The following MCF2L variants were observed in gnomAD, a reference collection of about 807,000 sequenced individuals.
MCF2L encodes the protein MCF.2 cell line derived transforming sequence like, also known as guanine nucleotide exchange factor DBS.
Under a neutral mutation model 153.4 loss-of-function variants are expected in MCF2L, and 97 were observed. The ratio of observed to expected loss-of-function variants is 0.63; its 90% CI spans 0.54 to 0.75. The LOEUF (loss-of-function observed/expected upper bound fraction) is 0.75. Among genes scored for constraint, MCF2L ranks in the 30% least tolerant of loss-of-function variants. The pLI is 0.00. For synonymous variants in MCF2L, 659 were observed against 632.2 expected (o/e 1.04, Z -0.64); for missense variants, 1,347 against 1,495.2 (o/e 0.90, Z 1.64).
At chr13:112,995,644 G>A (rs377266600) in intron 1 of MCF2L, among the ~76,000 whole-genome samples, 6 of 152,224 alleles carry the variant, frequency 3.9e-5, no homozygotes, top group South Asian at 2.1e-4. Context: ...GGGACCGTGC[G>A]GGATGCAGGG....
chr13:113,070,798 T>G lies in MCF2L; in HGVS notation c.996+625T>G, dbSNP rs191953507. 5.8e-4 allele frequency among the ~76,000 whole-genome samples: 89 copies of G among 152,354 alleles called. No homozygotes were observed. Among genetic ancestry groups the G allele is most frequent in the African/African-American group, 2.0e-3 (82 of 41,582 alleles). On this transcript the variant is annotated intron_variant, in intron 9 of 29. Transcript: ENST00000535094. This position sits in a 1 kb window ranked among gnomAD's most constrained non-coding sequence, Gnocchi z 5.6. ...GTGGCTCACTCATTGTGTTCCCCGG[T>G]GTGGACGGACCACAGTTCTTTCAAT...
At position 113,085,166 on chromosome 13, in the gene MCF2L, G is replaced by A. The variant is rs2034510065; in HGVS notation, c.2235G>A (p.Gln745=). The change falls in exon 20 of 30, where the codon CAG becomes CAA. Residue 745 remains glutamine, a synonymous_variant. Coordinates refer to ENST00000535094, the MANE Select transcript of MCF2L (RefSeq NM_001112732.3). The part of the protein sequence containing the change: ...LKPVQRITKY[Q]LLLKEMLKYS... The stretch of plus-strand genomic sequence containing the variant: ...CAGTGCAGAGGATCACCAAGTACCA[G>A]CTGCTGCTCAAGGTGGGCTCCGCGG... 4 of 1,613,318 alleles carry A rather than the reference G, an allele frequency of 2.5e-6. No homozygotes were observed. In the Admixed American group the frequency reaches 6.7e-5, roughly 27 times the overall value.
chr13:113,071,553 A>C (rs535017093), intron 9 of MCF2L, among the ~76,000 whole-genome samples: 1 of 152,152 alleles, frequency 6.6e-6, no homozygotes, highest in Non-Finnish European at 1.5e-5. Context: ...ATTTTTGTAT[A>C]AGGTATGAGA....
chr13:112,939,371 G>A (rs1174447011), intron 2 of MCF2L, among the ~76,000 whole-genome samples: 2 of 152,160 alleles, frequency 1.3e-5, no homozygotes, highest in Admixed American at 6.5e-5. Context: ...TCCATGCCAG[G>A]ACTTTTCCTC....
At chr13:113,049,433 G>T (rs1211055635) in intron 4 of MCF2L, among the ~76,000 whole-genome samples, 2 of 152,206 alleles carry the variant, frequency 1.3e-5, no homozygotes, top group Non-Finnish European at 2.9e-5. Flanking sequence ...ATGACCCCTT[G>T]GGCATCTTGA....
intron 1 of MCF2L, among the ~76,000 whole-genome samples, chr13:112,978,855 G>A (rs1051530859): frequency 1.3e-5 from 2 of 152,302 alleles, no homozygotes; most frequent in African/African-American, 2.4e-5. Flanking sequence ...CCATTTGCAC[G>A]GCCTTGCACA....
intron 1 of MCF2L, among the ~76,000 whole-genome samples, chr13:112,973,025 C>G (rs2140844624): frequency 6.6e-6 from 1 of 151,984 alleles, no homozygotes; most frequent in East Asian, 2.0e-4. Flanking sequence ...CCCCCAGTTG[C>G]AGGTCTCAGA....
At chr13:113,012,216 G>C (rs1205195696) in intron 1 of MCF2L, among the ~76,000 whole-genome samples, 1 of 92,206 alleles carries the variant, frequency 1.1e-5, no homozygotes, top group Non-Finnish European at 2.4e-5. Flanking sequence ...CGGTGGACAG[G>C]CTGGGTGGAT....
chr13:113,040,436 G>GTGTGTGTGTGTGTGTGTGTGTGTGTGTT lies in MCF2L; in HGVS notation c.279-4834_279-4833insGTGTGTGTGTGTGTGTGTGTGTGTGTTT, dbSNP rs147478810. 237 of 153,028 alleles carry GTGTGTGTGTGTGTGTGTGTGTGTGTGTT rather than the reference G, an allele frequency of 1.5e-3. 1 individual carries two copies. Among genetic ancestry groups the GTGTGTGTGTGTGTGTGTGTGTGTGTGTT allele is most frequent in the African/African-American group, 5.5e-3 (222 of 40,450 alleles). 9.5% of individuals were successfully genotyped at this position (153,028 alleles called of 1,614,324 possible). ...CCTGTGTGTGTGTGTGTGTGTGTGT[G>GTGTGTGTGTGTGTGTGTGTGTGTGTGTT]TTTCTTTTCCTGAGGACACAGCCAC... On this transcript the variant is annotated intron_variant, in intron 3 of 29. Coordinates refer to ENST00000535094, the MANE Select transcript of MCF2L (RefSeq NM_001112732.3).
chr13:112,994,143 G>A (rs1436029018), intron 1 of MCF2L, among the ~76,000 whole-genome samples: 2 of 152,102 alleles, frequency 1.3e-5, no homozygotes, highest in East Asian at 1.9e-4. Flanking sequence ...TCGGGCAGGG[G>A]CAGGTGTGGA....
intron 1 of MCF2L, among the ~76,000 whole-genome samples, chr13:113,001,114 C>T (rs1388106998): frequency 4.6e-5 from 7 of 152,238 alleles, no homozygotes; most frequent in African/African-American, 7.2e-5. Flanking sequence ...CCCAGGGCAG[C>T]GGTTAGGAGC....
rs2081690187 is a variant in MCF2L at position 112,951,240 on chromosome 13, C to G, written c.169+48869C>G. ...GGGATGTGGATAAACTGGGTTACTCCTAAGTTGCTGGTGGGAATGTAAAAT... is the reference window on the plus strand; with the variant it reads ...GGGATGTGGATAAACTGGGTTACTCGTAAGTTGCTGGTGGGAATGTAAAAT... On this transcript the variant is annotated intron_variant, in intron 2 of 29. Coordinates refer to the MCF2L transcript ENST00000375608. This position sits in a 1 kb window ranked among gnomAD's most constrained non-coding sequence, Gnocchi z 4.8. 6.6e-6 allele frequency among the ~76,000 whole-genome samples: 1 copy of G among 152,148 alleles called. No individual in the cohort carries two copies. Among genetic ancestry groups the G allele is most frequent in the African/African-American group, 2.4e-5 (1 of 41,430 alleles).
chr13:112,898,205 C>T (rs2081086313), intron 1 of MCF2L, among the ~76,000 whole-genome samples: 2 of 152,328 alleles, frequency 1.3e-5, no homozygotes, highest in Admixed American at 6.5e-5. Flanking sequence ...ATGAGACACA[C>T]TGTGTGACCG....
rs528053241 is a variant in MCF2L at position 113,028,328 on chromosome 13, C to T, written c.278+3570C>T. On this transcript the variant is annotated intron_variant, in intron 3 of 29. Coordinates refer to ENST00000535094, the MANE Select transcript of MCF2L (RefSeq NM_001112732.3). This position sits in a 1 kb window ranked among gnomAD's most constrained non-coding sequence, Gnocchi z 5.4. ...ATCAAGGCCATAAGAGTGTGGTAGGCGGCACGTGTTCATGTGTGCACGCCT... is the reference window on the plus strand; with the variant it reads ...ATCAAGGCCATAAGAGTGTGGTAGGTGGCACGTGTTCATGTGTGCACGCCT... Among the ~76,000 whole-genome samples, 7 of 152,276 alleles carry T rather than the reference C, an allele frequency of 4.6e-5. No homozygotes were observed. Among genetic ancestry groups the T allele is most frequent in the Admixed American group, 3.3e-4 (5 of 15,306 alleles).
At chr13:112,968,693 A>C (rs754519493), upstream of MCF2L, 5 of 1,426,264 alleles carry the variant, frequency 3.5e-6, no homozygotes, top group Admixed American at 2.8e-5. Flanking sequence ...CAGCTTCTAC[A>C]CCTGCCACGG....
In MCF2L at chr13:113,045,444, C is replaced by A; in HGVS notation, c.369+83C>A. ...CATGGTGCCCTTCCTCTGTGTCTGC[C>A]GCAGTTCCTGCTTTGTGCTGAGTGG... On this transcript the variant is annotated intron_variant, in intron 4 of 29. Transcript: ENST00000535094. This position sits in a 1 kb window ranked among gnomAD's most constrained non-coding sequence, Gnocchi z 4.2. 1 of 1,204,156 alleles carries A rather than the reference C, an allele frequency of 8.3e-7. No individual in the cohort carries two copies. The highest frequency in any genetic ancestry group is 1.2e-5 in the South Asian group (1 of 80,384). The allele number at this position is 1,204,156 out of a possible 1,614,324, so 74.6% of individuals were successfully genotyped here.
intron 3 of MCF2L, among the ~76,000 whole-genome samples, chr13:113,025,197 C>G (rs1242241901): frequency 2.1e-5 from 2 of 94,606 alleles, no homozygotes; most frequent in African/African-American, 4.2e-5. Flanking sequence ...GTGAGGTTTC[C>G]CCATTGTGGG....
In MCF2L at chr13:113,089,622, A is replaced by G. The variant is rs369405785; in HGVS notation, c.2847A>G (p.Gly949=). ...CTGATGTCATCAGTCCCTCAAGAGG[A>G]AACTCAAGGAACATCAAGAAGCTGG... ...PAPTSTSPSR[G]NSRNIKKLEE... is the part of the protein sequence containing the mutation. Residue 949 remains glycine (G), a synonymous_variant, in exon 26 of 30, where the codon GGA becomes GGG. Transcript: ENST00000535094. 21 of 1,611,504 alleles carry G rather than the reference A, an allele frequency of 1.3e-5. No homozygotes were observed. The highest frequency in any genetic ancestry group is 1.7e-5 in the Non-Finnish European group (20 of 1,177,874).
intron 27 of MCF2L, chr13:113,095,457 A>T (rs1183005628): frequency 9.3e-7 from 1 of 1,078,528 alleles, no homozygotes; most frequent in African/African-American, 1.7e-5. Flanking sequence ...AGGCTGGTGG[A>T]ACAGGGTGCA....
Sources: gnomAD v4.1 joint callset for allele counts (sites outside exome capture counted in the v4.1 genomes callset) on GRCh38, gnomAD v4.1.1 for gene constraint, Gnocchi (gnomAD v3.1) non-coding constraint, MANE v1.5 for transcripts, NCBI Gene and HGNC (gene_info 2026-07-23, HGNC 2026-07-21) for gene names.